The following EP400 variants were observed in gnomAD, a reference collection of about 807,000 sequenced individuals.
The protein encoded by EP400 is E1A binding protein p400, also known as E1A-binding protein p400.
EP400 carries 105 observed loss-of-function variants against 354.1 expected under a neutral mutation model. The observed-to-expected ratio is 0.30, with a 90% CI of 0.25 to 0.35. The LOEUF is 0.35. EP400 is among the 10% of genes least tolerant of loss of function. The pLI is 1.00. For synonymous variants in EP400, 1,646 were observed against 1,716.9 expected, an observed-to-expected ratio of 0.96 and a Z score of 1.02; for missense variants, 3,280 against 4,121.0, an observed-to-expected ratio of 0.80 and a Z score of 5.59.
intron 2 of EP400, among the ~76,000 whole-genome samples, chr12:131,967,680 ACT>A (rs1315555875): frequency 6.7e-6 from 1 of 150,010 alleles, no homozygotes; most frequent in African/African-American, 2.5e-5. Context: ...ACAGAGTGAG[ACT>A]CTGTCTCAAA....
At chr12:131,951,698 C>G (rs1285431483) in intron 1 of EP400, among the ~76,000 whole-genome samples, 1 of 151,524 alleles carries the variant, frequency 6.6e-6, no homozygotes, top group Non-Finnish European at 1.5e-5. Flanking sequence ...GCCTGCCAGA[C>G]TCAAGTGATT....
Position 131,990,801 on chromosome 12 carries a change from G to C in EP400, c.2629+87G>C. 1 of 948,512 alleles carries C rather than the reference G, an allele frequency of 1.1e-6. No homozygotes were observed. 58.8% of individuals were successfully genotyped at this position (948,512 alleles called of 1,614,324 possible). On this transcript the variant is annotated intron_variant, in intron 9 of 52. Transcript: ENST00000389561. The surrounding 1 kb of genome is among the most constrained non-coding windows in gnomAD (Gnocchi z 4.2). ...CAGCAGGCAGTCTCCTGGCGCTGTG[G>C]CTTCCCACAGAGGACATCTGCTCAT...
At chr12:132,069,132 T>C (rs1039994594) in intron 50 of EP400, 3 of 233,478 alleles carry the variant, frequency 1.3e-5, no homozygotes, top group Non-Finnish European at 2.5e-5. Context: ...TTACATTGGA[T>C]TTGAGAGATT....
rs564457272 is a variant in EP400 at position 131,958,377 on chromosome 12, T to A, written c.-35-2208T>A. On this transcript the variant is annotated intron_variant, in intron 1 of 52. Coordinates refer to ENST00000389561, the MANE Select transcript of EP400 (RefSeq NM_015409.5). ...TGCAGCCTGCGTGCTGTCTTCTGAC[T>A]CCATCTTCAGAAACTAACCATCTGA... Among the ~76,000 whole-genome samples the A allele has an allele frequency of 4.8e-4, 73 of 152,334 alleles. 1 individual carries two copies. The highest frequency in any genetic ancestry group is 3.4e-3 in the Middle Eastern group (1 of 294).
rs542594321 is a variant in EP400, at chr12:132,079,462, A to T, written c.*1789A>T. On this transcript the variant is annotated 3_prime_UTR_variant, in exon 53 of 53. Coordinates refer to ENST00000389561, the MANE Select transcript of EP400 (RefSeq NM_015409.5). The stretch of plus-strand genomic sequence containing the variant: ...AACTTTTACTCCTCCTCATCCGCAG[A>T]TGTGATAGAACTGAAGTATCTAGGA... 6.6e-6 allele frequency: 1 copy of T among 152,366 alleles called. No individual in the cohort carries two copies. Among genetic ancestry groups the T allele is most frequent in the South Asian group, 2.1e-4 (1 of 4,830 alleles). The allele number at this position is 152,366 out of a possible 1,614,324, so 9.4% of individuals were successfully genotyped here.
At chr12:132,051,274 T>G (rs547286237) in intron 41 of EP400, among the ~76,000 whole-genome samples, 1 of 152,246 alleles carries the variant, frequency 6.6e-6, no homozygotes, top group South Asian at 2.1e-4. Flanking sequence ...GTCTGTAGGC[T>G]CCAACCCTAC....
chr12:132,026,275 A>T (rs1408873404), intron 25 of EP400, among the ~76,000 whole-genome samples: 1 of 152,040 alleles, frequency 6.6e-6, no homozygotes, highest in Non-Finnish European at 1.5e-5. Context: ...CTCTGTCATG[A>T]TGTGGTGTGT....
At chr12:132,065,553 TATTA>T (rs1398612660) in intron 48 of EP400, 1 of 152,382 alleles carries the variant, frequency 6.6e-6, no homozygotes, top group African/African-American at 2.4e-5. Flanking sequence ...AGGGTCTTAC[TATTA>T]ATTCCATTTT....
chr12:132,045,982 C>T (rs1327432974), intron 39 of EP400, 82 bp downstream of exon 39: 9 of 1,493,000 alleles, frequency 6.0e-6, no homozygotes, highest in Non-Finnish European at 6.4e-6. Flanking sequence ...TCCAGTCCTG[C>T]TCTTCACTGA....
chr12:131,982,222 C>T lies in EP400; in HGVS notation c.1673C>T (p.Pro558Leu). The T allele has an allele frequency of 6.2e-7, 1 of 1,613,988 alleles. No homozygotes were observed. Among genetic ancestry groups the T allele is most frequent in the Non-Finnish European group, 8.5e-7 (1 of 1,179,968 alleles). The change falls in exon 5 of 53, where the codon CCC becomes CTC. Residue 558 changes from proline (P) to leucine (L), a missense_variant. Physicochemically the swap from Pro to Leu is moderately conservative, Grantham distance 98 (BLOSUM62 -3). Coordinates refer to ENST00000389561, the MANE Select transcript of EP400 (RefSeq NM_015409.5). Reference protein sequence around the residue: ...ASLHTPLPQLPGRLPPAGVPT... With the variant: ...ASLHTPLPQLLGRLPPAGVPT... ...TTGCACACCCCACTGCCGCAGCTGC[C>T]CGGGAGGCTGCCCCCAGCCGGTGTT...
rs1363599253 is a variant in EP400, at chr12:132,025,607, C to T, written c.4856-39C>T. ...CTGGAGTGTGTGGCTGTGATGTACACATGCCTGTCATTGACACCTAGTGGA... is the reference window on the plus strand; with the variant it reads ...CTGGAGTGTGTGGCTGTGATGTACATATGCCTGTCATTGACACCTAGTGGA... On this transcript the variant is annotated intron_variant, in intron 24 of 52. Transcript: ENST00000389561. The surrounding 1 kb of genome is among the most constrained non-coding windows in gnomAD (Gnocchi z 4.1). The T allele has an allele frequency of 6.4e-7, 1 of 1,551,494 alleles. No homozygotes were observed. The highest frequency in any genetic ancestry group is 1.7e-4 in the Middle Eastern group (1 of 5,770).
At chr12:132,049,519 C>A (rs1895224766) in intron 39 of EP400, among the ~76,000 whole-genome samples, 1 of 152,166 alleles carries the variant, frequency 6.6e-6, no homozygotes, top group Non-Finnish European at 1.5e-5. Context: ...ATACATGTAC[C>A]TGCACAGACA....
intron 45 of EP400, among the ~76,000 whole-genome samples, chr12:132,055,562 AGGG>A (rs869287642): frequency 1.6e-5 from 1 of 61,524 alleles, no homozygotes; most frequent in East Asian, 5.0e-4. Context: ...TGTGAGGTGT[AGGG>A]GTGTGTGTGA....
At position 132,029,748 on chromosome 12, in the gene EP400, G is replaced by T. The variant is rs770165429; in HGVS notation, c.5429G>T (p.Arg1810Leu). ...GTGGTGGCAGCACCCCCGTCCCTAC[G>T]GGTGCCGCGGCCGCCACCCCTGTAC... ...PPVVAAPPSLRVPRPPPLYSH... is the reference protein window; with the variant it reads ...PPVVAAPPSLLVPRPPPLYSH... Residue 1810 changes from arginine (R) to leucine (L), a missense_variant, in exon 28 of 53, where the codon CGG becomes CTG. This residue lies in a region of EP400 where 459 missense variants were observed against 496.9 expected (regional missense o/e 0.92). Transcript: ENST00000389561. The surrounding 1 kb of genome is among the most constrained non-coding windows in gnomAD (Gnocchi z 4.7). The T allele has an allele frequency of 2.0e-5, 33 of 1,613,182 alleles. No individual in the cohort carries two copies. Among genetic ancestry groups the T allele is most frequent in the Non-Finnish European group, 2.7e-5 (32 of 1,180,026 alleles).
In EP400 at chr12:132,006,283, G is replaced by A; in HGVS notation, c.3107G>A (p.Ser1036Asn). The A allele has an allele frequency of 6.2e-7, 1 of 1,614,248 alleles. No individual in the cohort carries two copies. Among genetic ancestry groups the A allele is most frequent in the South Asian group, 1.1e-5 (1 of 91,084 alleles). The stretch of plus-strand genomic sequence containing the variant: ...GCTGAAGCCATCCTGCCGAAGGGCA[G>A]TGCTCGGGTCACAACCTCGGTGAGG... ...AVAEAILPKGSARVTTSVKFN... is the reference protein window; with the variant it reads ...AVAEAILPKGNARVTTSVKFN... The change falls in exon 14 of 53, where the codon AGT becomes AAT. Residue 1036 changes from serine (S) to asparagine (N), a missense_variant. By Grantham distance (46) the Ser-to-Asn change is conservative. This residue lies in a region of EP400 where 800 missense variants were observed against 840.0 expected (regional missense o/e 0.95). Transcript: ENST00000389561.
intron 32 of EP400, among the ~76,000 whole-genome samples, chr12:132,040,013 C>CTGG (rs1329690439): frequency 6.6e-6 from 1 of 152,226 alleles, no homozygotes. Flanking sequence ...GCACTCCAAC[C>CTGG]TGGGTGACAG....
chr12:132,028,538 AG>A (rs1894382839), intron 27 of EP400, among the ~76,000 whole-genome samples: 1 of 152,160 alleles, frequency 6.6e-6, no homozygotes, highest in South Asian at 2.1e-4. Context: ...CGCAGCACTG[AG>A]CTCACACTGT....
chr12:132,014,637 G>A (rs978855677), intron 19 of EP400, among the ~76,000 whole-genome samples: 4 of 152,198 alleles, frequency 2.6e-5, no homozygotes, highest in Admixed American at 1.3e-4. Flanking sequence ...TCTGCTGGGG[G>A]TGTGGCCATG....
At chr12:131,960,538 CAGTT>C in intron 1 of EP400, 43 bp from the exon 2 acceptor site, 1 of 1,473,256 alleles carries the variant, frequency 6.8e-7, no homozygotes. Flanking sequence ...GTCAATAAAA[CAGTT>C]ATGTGTGCCT....
Sources: gnomAD v4.1 joint callset for allele counts (sites outside exome capture counted in the v4.1 genomes callset) on GRCh38, gnomAD v4.1.1 for gene constraint, gnomAD v4.1.1 regional missense constraint, Gnocchi (gnomAD v3.1) non-coding constraint, MANE v1.5 for transcripts, NCBI Gene and HGNC (gene_info 2026-07-23, HGNC 2026-07-21) for gene names.